Variants in LURAP1L observed in about 807,000 individuals in gnomAD.
The protein encoded by LURAP1L is leucine rich adaptor protein 1-like.
Under a neutral mutation model 13.8 loss-of-function variants are expected in LURAP1L, and 12 were observed. The ratio of observed to expected loss-of-function variants is 0.87; its 90% CI spans 0.56 to 1.41. The LOEUF is 1.41. LURAP1L is among the 40% of genes most tolerant of loss of function. The pLI is 0.00. For synonymous variants in LURAP1L, 139 were observed against 119.2 expected (o/e 1.17, Z -1.08); for missense variants, 375 against 292.9 (o/e 1.28, Z -2.04).
At chr9:12,779,409 G>A (rs1439728669) in intron 1 of LURAP1L, among the ~76,000 whole-genome samples, 3 of 151,366 alleles carry the variant, frequency 2.0e-5, no homozygotes, top group African/African-American at 7.3e-5. Context: ...CAAGTAGCTG[G>A]GACTACAGGC....
At chr9:12,794,952 G>T (rs956254881) in intron 1 of LURAP1L, among the ~76,000 whole-genome samples, 2 of 151,876 alleles carry the variant, frequency 1.3e-5, no homozygotes, top group African/African-American at 4.8e-5. Flanking sequence ...GTATGAGGTT[G>T]CTACTAAAAG....
chr9:12,797,039 T>C (rs1819520348), intron 1 of LURAP1L, among the ~76,000 whole-genome samples: 1 of 152,048 alleles, frequency 6.6e-6, no homozygotes, highest in Non-Finnish European at 1.5e-5. Flanking sequence ...GGTTCTTTCT[T>C]GTCACTATGA....
At chr9:12,798,588 G>A (rs1819540623) in intron 1 of LURAP1L, among the ~76,000 whole-genome samples, 1 of 152,116 alleles carries the variant, frequency 6.6e-6, no homozygotes, top group African/African-American at 2.4e-5. Context: ...CATATGCTAG[G>A]CATCTGCTTT....
chr9:12,808,343 T>C (rs1366425113), intron 1 of LURAP1L, among the ~76,000 whole-genome samples: 1 of 152,118 alleles, frequency 6.6e-6, no homozygotes, highest in Non-Finnish European at 1.5e-5. Flanking sequence ...TGGCAAAATA[T>C]ATATAACATA....
chr9:12,775,667 C>T lies in LURAP1L; in HGVS notation c.-49C>T. The T allele has an allele frequency of 6.6e-7, 1 of 1,524,044 alleles. No homozygotes were observed. The highest frequency in any genetic ancestry group is 1.3e-5 in the South Asian group (1 of 75,936). 94.4% of individuals were successfully genotyped at this position (1,524,044 alleles called of 1,614,324 possible). On this transcript the variant is annotated 5_prime_UTR_variant, in exon 1 of 2. Coordinates refer to ENST00000319264, the MANE Select transcript of LURAP1L (RefSeq NM_203403.2). ...GCAGCAGCCTTCGAAGCCGTGGCTGCCTTTCATCTGCTGCGTTTTATTACT... is the reference window on the plus strand; with the variant it reads ...GCAGCAGCCTTCGAAGCCGTGGCTGTCTTTCATCTGCTGCGTTTTATTACT...
chr9:12,784,422 C>T (rs1051626057), intron 1 of LURAP1L, among the ~76,000 whole-genome samples: 1 of 152,138 alleles, frequency 6.6e-6, no homozygotes, highest in Non-Finnish European at 1.5e-5. Context: ...TGCCCAAGCC[C>T]AATAATAGTA....
At chr9:12,782,463 T>C (rs1324909245) in intron 1 of LURAP1L, among the ~76,000 whole-genome samples, 2 of 152,182 alleles carry the variant, frequency 1.3e-5, no homozygotes, top group African/African-American at 4.8e-5. Flanking sequence ...TATGGATATG[T>C]AGTTTTGGCA....
chr9:12,789,571 T>G (rs1819411569), intron 1 of LURAP1L, among the ~76,000 whole-genome samples: 1 of 152,198 alleles, frequency 6.6e-6, no homozygotes, highest in African/African-American at 2.4e-5. Flanking sequence ...ATGTCCTCTC[T>G]TTATAGAATC....
At chr9:12,792,225 A>G (rs1819449891) in intron 1 of LURAP1L, among the ~76,000 whole-genome samples, 1 of 152,164 alleles carries the variant, frequency 6.6e-6, no homozygotes, top group Non-Finnish European at 1.5e-5. Flanking sequence ...AGATGAAGTA[A>G]CAAAACAATT....
intron 1 of LURAP1L, among the ~76,000 whole-genome samples, chr9:12,784,614 C>G (rs910420074): frequency 6.6e-6 from 1 of 152,194 alleles, no homozygotes; most frequent in Admixed American, 6.5e-5. Context: ...GTGGCCACCA[C>G]TACTGCAACT....
chr9:12,778,071 T>A (rs931778092), intron 1 of LURAP1L, among the ~76,000 whole-genome samples: 8 of 152,212 alleles, frequency 5.3e-5, no homozygotes, highest in Non-Finnish European at 1.2e-4. Flanking sequence ...AGGTCCCTGA[T>A]AATTTGTCGC....
At chr9:12,803,069 G>A (rs1296166478) in intron 1 of LURAP1L, among the ~76,000 whole-genome samples, 2 of 152,038 alleles carry the variant, frequency 1.3e-5, no homozygotes, top group African/African-American at 2.4e-5. Context: ...CTCTCTCATC[G>A]ATTTCTTCAT....
chr9:12,807,392 G>T (rs1374455929), intron 1 of LURAP1L, among the ~76,000 whole-genome samples: 1 of 152,114 alleles, frequency 6.6e-6, no homozygotes, highest in African/African-American at 2.4e-5. Flanking sequence ...CTCACAGCAT[G>T]AAATATAAAG....
rs563652320 is a variant in LURAP1L, at chr9:12,800,528, CA to C, written c.313-20854del. 3.1e-3 allele frequency among the ~76,000 whole-genome samples: 402 copies of C among 128,458 alleles called. 3 individuals are homozygous for C. The highest frequency in any genetic ancestry group is 0.011 in the African/African-American group (379 of 34,032). 84.3% of individuals were successfully genotyped at this position (128,458 alleles called of 152,430 possible). ...AGTTCATAGGGGTTTAGCAAAACAA[CA>C]AAACAAAAAAAAAACAAAAAACATA... On this transcript the variant is annotated intron_variant, in intron 1 of 1. Coordinates refer to ENST00000319264, the MANE Select transcript of LURAP1L (RefSeq NM_203403.2).
chr9:12,791,583 CT>C (rs1819441392), intron 1 of LURAP1L, among the ~76,000 whole-genome samples: 1 of 151,744 alleles, frequency 6.6e-6, no homozygotes, highest in African/African-American at 2.4e-5. Context: ...CTATATATCC[CT>C]TATCCACATT....
At position 12,784,953 on chromosome 9, in the gene LURAP1L, C is replaced by G. The variant is rs148450238; in HGVS notation, c.312+8926C>G. On this transcript the variant is annotated intron_variant, in intron 1 of 1. Transcript: ENST00000319264. ...GAGTCAAAGTCTTTTTTACTCTCCTCTCTTATTTCCTCAAGCAGAAGGAGT... is the reference window on the plus strand; with the variant it reads ...GAGTCAAAGTCTTTTTTACTCTCCTGTCTTATTTCCTCAAGCAGAAGGAGT... 3.5e-4 allele frequency among the ~76,000 whole-genome samples: 53 copies of G among 152,040 alleles called. 1 individual carries two copies. The East Asian group carries it at 9.2e-3, about 26-fold the overall frequency.
At chr9:12,791,724 A>G (rs1473875233) in intron 1 of LURAP1L, among the ~76,000 whole-genome samples, 1 of 150,286 alleles carries the variant, frequency 6.7e-6, no homozygotes, top group Admixed American at 6.6e-5. Flanking sequence ...ACTTTTTCTT[A>G]AACATTTTTC....
rs116096427 is a variant in LURAP1L, at chr9:12,791,896, C to A, written c.312+15869C>A. On this transcript the variant is annotated intron_variant, in intron 1 of 1. Coordinates refer to ENST00000319264, the MANE Select transcript of LURAP1L (RefSeq NM_203403.2). Reference sequence around the variant, plus strand: ...TAATGCCACAATTAATGACTTATGTCACTTTATTTCTGCTGACTTCAGACC... The same window carrying A: ...TAATGCCACAATTAATGACTTATGTAACTTTATTTCTGCTGACTTCAGACC... Among the ~76,000 whole-genome samples, 433 of 152,196 alleles carry A rather than the reference C, an allele frequency of 2.8e-3. 1 individual carries two copies. The highest frequency in any genetic ancestry group is 9.9e-3 in the African/African-American group (411 of 41,538).
intron 1 of LURAP1L, among the ~76,000 whole-genome samples, chr9:12,798,912 A>C (rs948594975): frequency 5.3e-5 from 8 of 152,202 alleles, no homozygotes; most frequent in African/African-American, 1.9e-4. Context: ...ATAGGGTAGA[A>C]TCATTCATGA....
Sources: allele counts gnomAD v4.1 joint callset (sites outside exome capture counted in the v4.1 genomes callset), GRCh38; gene constraint gnomAD v4.1.1; transcripts MANE v1.5; gene names NCBI Gene and HGNC (gene_info 2026-07-23, HGNC 2026-07-21).